BCAS3: variants seen among roughly 807,000 people sequenced by gnomAD.
The protein encoded by BCAS3 is BCAS4/BCAS3 fusion.
Under a neutral mutation model 116.1 loss-of-function variants are expected in BCAS3, and 53 were observed. The ratio of observed to expected loss-of-function variants is 0.46; its 90% CI spans 0.37 to 0.57. The LOEUF (loss-of-function observed/expected upper bound fraction) is 0.57. Ranked by LOEUF, BCAS3 falls within the 20% of genes least tolerant of loss-of-function variation. The pLI is 0.00. For missense variants in BCAS3, 917 were observed against 1,165.4 expected (o/e 0.79, Z 3.10); for synonymous variants, 391 against 408.2 (o/e 0.96, Z 0.51).
intron 22 of BCAS3, among the ~76,000 whole-genome samples, chr17:61,085,506 T>C (rs1022237442): frequency 6.6e-6 from 1 of 152,256 alleles, no homozygotes; most frequent in African/African-American, 2.4e-5. Flanking sequence ...TGTCTGTGGA[T>C]ATGGATATAT....
At chr17:60,772,094 T>A (rs1418747500) in intron 6 of BCAS3, among the ~76,000 whole-genome samples, 1 of 152,228 alleles carries the variant, frequency 6.6e-6, no homozygotes, top group Non-Finnish European at 1.5e-5. Context: ...CTGGGTCAAA[T>A]GCTATTTCTA....
chr17:61,186,756 G>T lies in BCAS3; in HGVS notation c.2425+102192G>T, dbSNP rs2079800831. Among the ~76,000 whole-genome samples the T allele has an allele frequency of 6.6e-6, 1 of 151,850 alleles. No individual in the cohort carries two copies. Among genetic ancestry groups the T allele is most frequent in the Non-Finnish European group, 1.5e-5 (1 of 67,974 alleles). On this transcript the variant is annotated intron_variant, in intron 22 of 23. Coordinates refer to ENST00000407086, the MANE Select transcript of BCAS3 (RefSeq NM_017679.5). This position sits in a 1 kb window ranked among gnomAD's most constrained non-coding sequence, Gnocchi z 4.9. ...GACGGAGTCTCGCTCTGTCGCCCAGGTTGGAGTGCAGTGGCACGATCTCAG... is the reference window on the plus strand; with the variant it reads ...GACGGAGTCTCGCTCTGTCGCCCAGTTTGGAGTGCAGTGGCACGATCTCAG...
intron 20 of BCAS3, among the ~76,000 whole-genome samples, chr17:61,076,410 T>C (rs987720637): frequency 3.9e-5 from 6 of 152,208 alleles, no homozygotes; most frequent in Admixed American, 3.9e-4. Flanking sequence ...ATTTATTTCA[T>C]CACACCAAAA....
chr17:60,977,069 C>T (rs1157387164), intron 14 of BCAS3, among the ~76,000 whole-genome samples: 4 of 151,950 alleles, frequency 2.6e-5, no homozygotes, highest in Non-Finnish European at 5.9e-5. Flanking sequence ...GCGGGGGCTG[C>T]CCTGCACCTC....
At position 60,771,535 on chromosome 17, in the gene BCAS3, A is replaced by G. The variant is rs550155650; in HGVS notation, c.403+24256A>G. On this transcript the variant is annotated intron_variant, in intron 6 of 23. Transcript: ENST00000407086. ...AATAAACTATTAAAAGTGCATCAAA[A>G]GGATTAGTGACGGGTATCTTTTTTT... Among the ~76,000 whole-genome samples the G allele has an allele frequency of 2.0e-5, 3 of 149,904 alleles. No individual in the cohort carries two copies. The South Asian group carries it at 6.2e-4, about 31-fold the overall frequency.
rs928818285 is a variant in BCAS3 at position 61,144,928 on chromosome 17, C to T, written c.2425+60364C>T. 2.0e-5 allele frequency among the ~76,000 whole-genome samples: 3 copies of T among 152,172 alleles called. No homozygotes were observed. Among genetic ancestry groups the T allele is most frequent in the Non-Finnish European group, 4.4e-5 (3 of 68,034 alleles). On this transcript the variant is annotated intron_variant, in intron 22 of 23. Coordinates refer to ENST00000407086, the MANE Select transcript of BCAS3 (RefSeq NM_017679.5). The surrounding 1 kb of genome is among the most constrained non-coding windows in gnomAD (Gnocchi z 5.0). The stretch of plus-strand genomic sequence containing the variant: ...CAAATTGCTCTAAACCTGTTTGGCT[C>T]ACCACCATAAGGTTTAAAACATAAA...
At position 61,326,617 on chromosome 17, in the gene BCAS3, A is replaced by C. The variant is rs759882399; in HGVS notation, c.2426-41710A>C. On this transcript the variant is annotated intron_variant, in intron 22 of 23. Transcript: ENST00000407086. This position sits in a 1 kb window ranked among gnomAD's most constrained non-coding sequence, Gnocchi z 5.3. ...CACAGGGCTTTGTTACGGAGTGGAC[A>C]TGGGTGGGTGGAGAGGAAGAGATGT... Among the ~76,000 whole-genome samples the C allele has an allele frequency of 1.6e-4, 24 of 152,166 alleles. No homozygotes were observed. Among genetic ancestry groups the C allele is most frequent in the Non-Finnish European group, 2.9e-4 (20 of 68,020 alleles).
chr17:60,782,621 C>G (rs1031611571), intron 6 of BCAS3, among the ~76,000 whole-genome samples: 4 of 150,708 alleles, frequency 2.7e-5, no homozygotes, highest in African/African-American at 9.7e-5. Flanking sequence ...GAGTCTTGCT[C>G]TGTCGCCAGA....
At chr17:61,212,189 T>C (rs1254780477) in intron 22 of BCAS3, among the ~76,000 whole-genome samples, 1 of 152,232 alleles carries the variant, frequency 6.6e-6, no homozygotes, top group Non-Finnish European at 1.5e-5. Flanking sequence ...AAAAGATCTG[T>C]TCTACTGGAA....
chr17:60,952,326 T>G (rs7223521), intron 14 of BCAS3, among the ~76,000 whole-genome samples: 47,423 of 151,752 alleles, frequency 0.31, 12,452 homozygotes, highest in African/African-American at 0.72. Flanking sequence ...TAAACTTTTT[T>G]TTTTTTCTTT....
Position 61,128,804 on chromosome 17 carries a change from A to G in BCAS3, c.2425+44240A>G, listed in dbSNP as rs1156239903. On this transcript the variant is annotated intron_variant, in intron 22 of 23. Transcript: ENST00000407086. The surrounding 1 kb of genome is among the most constrained non-coding windows in gnomAD (Gnocchi z 4.1). Reference sequence around the variant, plus strand: ...AATCGGCAACTTTTGGTCTGTCACAAGGTCAAGTGATGATTAGTGATGTAG... The same window carrying G: ...AATCGGCAACTTTTGGTCTGTCACAGGGTCAAGTGATGATTAGTGATGTAG... Among the ~76,000 whole-genome samples the G allele has an allele frequency of 6.6e-6, 1 of 152,200 alleles. No homozygotes were observed. The highest frequency in any genetic ancestry group is 1.5e-5 in the Non-Finnish European group (1 of 68,040).
Position 61,256,799 on chromosome 17 carries a change from C to G in BCAS3, c.2426-111528C>G, listed in dbSNP as rs1023416293. ...TCAGGGTTGTTGGTATGCCATGGCA[C>G]AAGGACCCAAAGTGATCTTCTCAGG... On this transcript the variant is annotated intron_variant, in intron 22 of 23. Coordinates refer to ENST00000407086, the MANE Select transcript of BCAS3 (RefSeq NM_017679.5). This position sits in a 1 kb window ranked among gnomAD's most constrained non-coding sequence, Gnocchi z 5.6. 1.3e-5 allele frequency among the ~76,000 whole-genome samples: 2 copies of G among 152,120 alleles called. No individual in the cohort carries two copies. Among genetic ancestry groups the G allele is most frequent in the Admixed American group, 1.3e-4 (2 of 15,278 alleles).
At position 61,087,288 on chromosome 17, in the gene BCAS3, C is replaced by A; in HGVS notation, c.2425+2724C>A. ...GGTCTTCATTGCCCTGTATTACCTTCAAGCATTTTATATGACTTCATGGAT... is the reference window on the plus strand; with the variant it reads ...GGTCTTCATTGCCCTGTATTACCTTAAAGCATTTTATATGACTTCATGGAT... On this transcript the variant is annotated intron_variant, in intron 22 of 23. Coordinates refer to ENST00000407086, the MANE Select transcript of BCAS3 (RefSeq NM_017679.5). The surrounding 1 kb of genome is among the most constrained non-coding windows in gnomAD (Gnocchi z 4.6). 1.2e-6 allele frequency: 1 copy of A among 823,156 alleles called. No individual in the cohort carries two copies. The highest frequency in any genetic ancestry group is 1.5e-6 in the Non-Finnish European group (1 of 682,272). The allele number at this position is 823,156 out of a possible 1,614,324, so 51.0% of individuals were successfully genotyped here.
At chr17:60,773,412 C>A (rs1479194942) in intron 6 of BCAS3, among the ~76,000 whole-genome samples, 2 of 151,266 alleles carry the variant, frequency 1.3e-5, no homozygotes, top group Non-Finnish European at 2.9e-5. Flanking sequence ...CCAACTCAGC[C>A]TTCCCAAGTA....
rs545201600 is a variant in BCAS3, at chr17:61,213,225, G to T, written c.2425+128661G>T. On this transcript the variant is annotated intron_variant, in intron 22 of 23. Transcript: ENST00000407086. This position sits in a 1 kb window ranked among gnomAD's most constrained non-coding sequence, Gnocchi z 5.4. ...CACTCTGTCACCCAGGCTGGAGTGC[G>T]GTGGTGCAGTCTTGGCTCACTGCAA... Among the ~76,000 whole-genome samples the T allele has an allele frequency of 6.6e-6, 1 of 151,914 alleles. No individual in the cohort carries two copies. The highest frequency in any genetic ancestry group is 1.5e-5 in the Non-Finnish European group (1 of 67,974).
At chr17:60,900,975 A>G (rs2057852800) in intron 10 of BCAS3, among the ~76,000 whole-genome samples, 1 of 151,898 alleles carries the variant, frequency 6.6e-6, no homozygotes, top group South Asian at 2.1e-4. Context: ...TTGGGAGGCT[A>G]AGACTGGTGC....
intron 22 of BCAS3, among the ~76,000 whole-genome samples, chr17:61,129,767 T>C (rs1199496933): frequency 6.6e-6 from 1 of 152,248 alleles, no homozygotes; most frequent in East Asian, 1.9e-4. Context: ...GTGGACTTCA[T>C]GTCCTTCCTT....
intron 16 of BCAS3, among the ~76,000 whole-genome samples, chr17:61,030,840 A>T (rs1164298929): frequency 2.6e-5 from 4 of 151,928 alleles, no homozygotes; most frequent in Admixed American, 2.6e-4. Context: ...TCAAATTTTT[A>T]AAAAATTATT....
At chr17:61,022,501 C>T (rs1396217006) in intron 16 of BCAS3, among the ~76,000 whole-genome samples, 1 of 152,162 alleles carries the variant, frequency 6.6e-6, no homozygotes. Flanking sequence ...GCCTCCACCT[C>T]CCAAAGTGCT....
Sources: gnomAD v4.1 joint callset for allele counts (sites outside exome capture counted in the v4.1 genomes callset) on GRCh38, gnomAD v4.1.1 for gene constraint, Gnocchi (gnomAD v3.1) non-coding constraint, MANE v1.5 for transcripts, NCBI Gene and HGNC (gene_info 2026-07-23, HGNC 2026-07-21) for gene names.